The following CIMIP2A variants were observed in gnomAD, a reference collection of about 807,000 sequenced individuals.
CIMIP2A encodes family with sequence similarity 166 member A.
chr9:137,246,153 C>T, the CIMIP2A span, among the ~76,000 whole-genome samples: 1 of 152,264 alleles, frequency 6.6e-6, no homozygotes, highest in South Asian at 2.1e-4. Flanking sequence ...ATTCCAACTG[C>T]CAGCAAATCA....
the CIMIP2A span, chr9:137,252,008 GCAACGCCCCCTGAT>G: frequency 6.2e-7 from 1 of 1,611,084 alleles, no homozygotes; most frequent in Non-Finnish European, 8.5e-7. Context: ...CAGTGCTGGA[GCAACGCCCCCTGAT>G]CACAGCTGAC....
the CIMIP2A span, chr9:137,244,162 T>A: frequency 6.2e-7 from 1 of 1,613,556 alleles, no homozygotes; most frequent in African/African-American, 1.3e-5. Context: ...CCCTGCCCAC[T>A]CTACTCACCG....
At chr9:137,246,760 C>G in the CIMIP2A span, among the ~76,000 whole-genome samples, 1 of 151,826 alleles carries the variant, frequency 6.6e-6, no homozygotes, top group African/African-American at 2.4e-5. Context: ...GAGACTCCGT[C>G]TCAAAAGAAA....
the CIMIP2A span, chr9:137,253,319 TC>T: frequency 6.4e-7 from 1 of 1,553,148 alleles, no homozygotes; most frequent in Admixed American, 1.9e-5. Context: ...TTCCCAGGCC[TC>T]CCCTGGGACT....
chr9:137,245,226 G>A, the CIMIP2A span: 81 of 1,578,824 alleles, frequency 5.1e-5, 1 homozygote, highest in South Asian at 5.6e-4. Context: ...CAGCTGGAGC[G>A]GGGAGGAAGC....
chr9:137,252,055 G>A, the CIMIP2A span: 57 of 1,612,984 alleles, frequency 3.5e-5, no homozygotes, highest in African/African-American at 6.9e-4. Context: ...AGCCCCACCA[G>A]GTACCAGGTG....
the CIMIP2A span, chr9:137,244,504 C>A: frequency 6.7e-7 from 1 of 1,501,998 alleles, no homozygotes; most frequent in Non-Finnish European, 8.9e-7. Flanking sequence ...CCTCCGGGGA[C>A]AGGAGAGAGC....
chr9:137,248,607 G>A, the CIMIP2A span, among the ~76,000 whole-genome samples: 1 of 151,010 alleles, frequency 6.6e-6, no homozygotes, highest in African/African-American at 2.4e-5. Context: ...GCCTATAATT[G>A]CGGTGCTTTC....
the CIMIP2A span, chr9:137,243,717 G>A: frequency 3.2e-5 from 52 of 1,614,004 alleles, no homozygotes; most frequent in Admixed American, 4.3e-4. Flanking sequence ...GTGTGGTTTC[G>A]CTTTGCCCAT....
chr9:137,251,814 G>A, the CIMIP2A span: 89 of 1,602,574 alleles, frequency 5.6e-5, no homozygotes, highest in Admixed American at 8.6e-5. Flanking sequence ...AAAGATGAAG[G>A]AGATCCCAGT....
the CIMIP2A span, among the ~76,000 whole-genome samples, chr9:137,249,324 C>A: frequency 6.6e-6 from 1 of 152,184 alleles, no homozygotes; most frequent in Non-Finnish European, 1.5e-5. Context: ...TTCTGGAAAC[C>A]AAGTTGGTAT....
the CIMIP2A span, chr9:137,252,696 G>A: frequency 7.0e-5 from 109 of 1,551,652 alleles, 1 homozygote; most frequent in Admixed American, 8.6e-4. Context: ...CTGCTCAGCC[G>A]GCCCGCCTTC....
the CIMIP2A span, chr9:137,245,086 CACCT>C: frequency 6.2e-6 from 10 of 1,610,294 alleles, no homozygotes; most frequent in Admixed American, 1.7e-5. Flanking sequence ...GGCCCACACC[CACCT>C]GAGATGGCCT....
the CIMIP2A span, among the ~76,000 whole-genome samples, chr9:137,248,145 C>T: frequency 6.6e-6 from 1 of 152,204 alleles, no homozygotes; most frequent in Non-Finnish European, 1.5e-5. Context: ...CAGGGCTGTG[C>T]GAACTCTCCC....
the CIMIP2A span, chr9:137,244,832 G>C: frequency 1.9e-6 from 3 of 1,571,880 alleles, no homozygotes; most frequent in South Asian, 3.4e-5. Context: ...AGCCAGGCAA[G>C]GCTCCCTTTC....
chr9:137,253,532 G>A, the CIMIP2A span: 3 of 1,396,926 alleles, frequency 2.1e-6, no homozygotes, highest in Non-Finnish European at 2.8e-6. Flanking sequence ...CGGTCCTAGA[G>A]ATATGGCTGC....
chr9:137,250,982 C>G, the CIMIP2A span: 1 of 394,996 alleles, frequency 2.5e-6, no homozygotes, highest in Non-Finnish European at 4.8e-6. Flanking sequence ...TCCTCCCAGA[C>G]CTGCTAGAGT....
chr9:137,247,654 T>C, the CIMIP2A span: 1 of 1,612,482 alleles, frequency 6.2e-7, no homozygotes, highest in East Asian at 2.2e-5. Flanking sequence ...AGCTCCCGGC[T>C]CTCACCCAGG....
At chr9:137,246,568 C>T in the CIMIP2A span, among the ~76,000 whole-genome samples, 2 of 151,998 alleles carry the variant, frequency 1.3e-5, no homozygotes, top group Non-Finnish European at 2.9e-5. Flanking sequence ...TCAAGACCAT[C>T]CTGGCCAACA....
Sources: gnomAD v4.1 joint callset for allele counts (sites outside exome capture counted in the v4.1 genomes callset) on GRCh38, gnomAD v4.1.1 for gene constraint, MANE v1.5 for transcripts, NCBI Gene and HGNC (gene_info 2026-07-23, HGNC 2026-07-21) for gene names.